The following CDH10 variants were observed in gnomAD, a reference collection of about 807,000 sequenced individuals.
CDH10 encodes cadherin-10.
In CDH10, 30 loss-of-function variants were observed where a neutral mutation model predicts 73.1. That is an observed-to-expected ratio of 0.41 (90% CI 0.31 to 0.56). The LOEUF is 0.56. CDH10 is among the 20% of genes least tolerant of loss of function. CDH10 has a pLI of 0.27. For missense variants in CDH10, 815 were observed against 973.7 expected (o/e 0.84, Z 2.17); for synonymous variants, 345 against 348.2 (o/e 0.99, Z 0.10).
chr5:24,531,454 A>G (rs949492601), intron 5 of CDH10, among the ~76,000 whole-genome samples: 3 of 152,144 alleles, frequency 2.0e-5, no homozygotes, highest in African/African-American at 7.2e-5. Context: ...TGATAAAGAC[A>G]TACACAAGAC....
intron 1 of CDH10, among the ~76,000 whole-genome samples, chr5:24,594,981 T>C (rs535751927): frequency 3.3e-5 from 5 of 152,098 alleles, no homozygotes; most frequent in African/African-American, 9.6e-5. Flanking sequence ...ATGCAAATAT[T>C]TGACTACCAT....
chr5:24,644,202 T>TA (rs946078494), intron 1 of CDH10, among the ~76,000 whole-genome samples: 1 of 152,286 alleles, frequency 6.6e-6, no homozygotes, highest in South Asian at 2.1e-4. Context: ...TAGATGATGT[T>TA]AGAGTTCACA....
chr5:24,614,761 G>T (rs1267352003), intron 1 of CDH10, among the ~76,000 whole-genome samples: 1 of 152,072 alleles, frequency 6.6e-6, no homozygotes, highest in African/African-American at 2.4e-5. Flanking sequence ...TATTTTATAT[G>T]TACCCATGTA....
chr5:24,569,857 C>T (rs1375521456), intron 2 of CDH10, among the ~76,000 whole-genome samples: 2 of 151,754 alleles, frequency 1.3e-5, no homozygotes, highest in African/African-American at 2.4e-5. Context: ...CTGCCTCCTG[C>T]GTTCAAGAAA....
rs918948968 is a variant in CDH10, at chr5:24,534,694, A to ATT, written c.814+416_814+417dup. On this transcript the variant is annotated intron_variant, in intron 5 of 11. Coordinates refer to ENST00000264463, the MANE Select transcript of CDH10 (RefSeq NM_006727.5). ...TAGTTCTTATAATTTGTCAAATTAG[A>ATT]TTTTTTGTCGAAAAAAATTGTCCTC... is the stretch of plus-strand genomic sequence containing the variant. 8.5e-5 allele frequency among the ~76,000 whole-genome samples: 13 copies of ATT among 152,092 alleles called. 1 individual carries two copies. Among genetic ancestry groups the ATT allele is most frequent in the African/African-American group, 3.1e-4 (13 of 41,440 alleles).
chr5:24,600,509 C>T (rs1746519798), intron 1 of CDH10, among the ~76,000 whole-genome samples: 1 of 152,096 alleles, frequency 6.6e-6, no homozygotes, highest in African/African-American at 2.4e-5. Flanking sequence ...GAAAAGAGCA[C>T]CTAATCCAAA....
intron 5 of CDH10, among the ~76,000 whole-genome samples, chr5:24,519,169 G>A (rs547033897): frequency 3.3e-3 from 509 of 152,070 alleles, no homozygotes; most frequent in African/African-American, 0.012. Context: ...GGTATTACAG[G>A]CATGAGCTAC....
chr5:24,579,453 T>A (rs1459204681), intron 2 of CDH10, among the ~76,000 whole-genome samples: 1 of 152,104 alleles, frequency 6.6e-6, no homozygotes, highest in Non-Finnish European at 1.5e-5. Flanking sequence ...TTTGCTCCTT[T>A]CTAGCAAGAC....
chr5:24,634,865 A>G (rs1747817029), intron 1 of CDH10, among the ~76,000 whole-genome samples: 1 of 151,802 alleles, frequency 6.6e-6, no homozygotes. Context: ...GATTTTTAAA[A>G]TAAAGCTTTT....
intron 2 of CDH10, among the ~76,000 whole-genome samples, chr5:24,538,606 C>A (rs1186571720): frequency 6.6e-6 from 1 of 152,084 alleles, no homozygotes; most frequent in Non-Finnish European, 1.5e-5. Flanking sequence ...TCAACAGATG[C>A]CCTTAAGGCT....
At chr5:24,521,577 ACTCGAGCCTGGG>A (rs1281434675) in intron 5 of CDH10, among the ~76,000 whole-genome samples, 1 of 152,024 alleles carries the variant, frequency 6.6e-6, no homozygotes, top group African/African-American at 2.4e-5. Flanking sequence ...GTGCCATTGC[ACTCGAGCCTGGG>A]CAACAAGAGT....
intron 2 of CDH10, among the ~76,000 whole-genome samples, chr5:24,565,949 A>G (rs1745151346): frequency 6.6e-6 from 1 of 152,118 alleles, no homozygotes; most frequent in African/African-American, 2.4e-5. Flanking sequence ...GACTCAATCT[A>G]TGGGATTTTG....
At chr5:24,582,213 A>G (rs1411008059) in intron 2 of CDH10, among the ~76,000 whole-genome samples, 1 of 152,196 alleles carries the variant, frequency 6.6e-6, no homozygotes, top group Non-Finnish European at 1.5e-5. Context: ...ACACATTGAT[A>G]TTGCATAACA....
At chr5:24,509,974 T>G (rs985311169) in intron 6 of CDH10, among the ~76,000 whole-genome samples, 155 bp from the exon 7 acceptor site, 1 of 152,216 alleles carries the variant, frequency 6.6e-6, no homozygotes, top group Admixed American at 6.5e-5. Context: ...ATAATCTTCA[T>G]GTTTCATTTA....
chr5:24,552,262 G>A (rs1456165479), intron 2 of CDH10, among the ~76,000 whole-genome samples: 2 of 152,070 alleles, frequency 1.3e-5, no homozygotes, highest in African/African-American at 4.8e-5. Flanking sequence ...GCTATTATGA[G>A]TGAGATTTCT....
At chr5:24,527,849 A>G (rs1249944509) in intron 5 of CDH10, among the ~76,000 whole-genome samples, 1 of 151,684 alleles carries the variant, frequency 6.6e-6, no homozygotes, top group East Asian at 1.9e-4. Flanking sequence ...AAAAAAGGTA[A>G]ATGTGTGTGT....
chr5:24,581,933 A>G (rs1579839653), intron 2 of CDH10, among the ~76,000 whole-genome samples: 1 of 152,350 alleles, frequency 6.6e-6, no homozygotes, highest in Middle Eastern at 3.4e-3. Flanking sequence ...AGAATAAAAA[A>G]GATATTTTTA....
chr5:24,557,970 A>G (rs929632913), intron 2 of CDH10, among the ~76,000 whole-genome samples: 1 of 151,862 alleles, frequency 6.6e-6, no homozygotes, highest in Non-Finnish European at 1.5e-5. Flanking sequence ...AACCACCCCC[A>G]GAATTCAAAT....
At chr5:24,629,524 G>C (rs1747631408) in intron 1 of CDH10, among the ~76,000 whole-genome samples, 1 of 152,116 alleles carries the variant, frequency 6.6e-6, no homozygotes, top group Non-Finnish European at 1.5e-5. Context: ...CTTAAAGAAG[G>C]AAGTGATAGA....
Sources: allele counts gnomAD v4.1 joint callset (sites outside exome capture counted in the v4.1 genomes callset), GRCh38; gene constraint gnomAD v4.1.1; transcripts MANE v1.5; gene names NCBI Gene and HGNC (gene_info 2026-07-23, HGNC 2026-07-21).